ZHX2: variants seen among roughly 807,000 people sequenced by gnomAD.
ZHX2 encodes the protein zinc fingers and homeoboxes 2, also known as zinc fingers and homeoboxes protein 2.
A neutral mutation model predicts 21.9 loss-of-function variants in ZHX2; 6 were observed. That is an observed-to-expected ratio of 0.27 (90% CI 0.15 to 0.54). The LOEUF is 0.54. Among genes scored for constraint, ZHX2 ranks in the 20% least tolerant of loss-of-function variants. The pLI is 0.95. For synonymous variants in ZHX2, 434 were observed against 437.1 expected, an observed-to-expected ratio of 0.99 and a Z score of 0.09; for missense variants, 908 against 1,090.7, an observed-to-expected ratio of 0.83 and a Z score of 2.36.
intron 2 of ZHX2, among the ~76,000 whole-genome samples, chr8:122,917,198 G>A (rs558208181): frequency 1.1e-4 from 17 of 152,012 alleles, no homozygotes; most frequent in Non-Finnish European, 2.1e-4. Flanking sequence ...GCCTCCAAGC[G>A]GATCACAGTC....
At chr8:122,868,473 C>A (rs1212376343) in intron 2 of ZHX2, among the ~76,000 whole-genome samples, 1 of 151,842 alleles carries the variant, frequency 6.6e-6, no homozygotes, top group Non-Finnish European at 1.5e-5. Flanking sequence ...CATAGGGAGA[C>A]CCTGTCTCTA....
At chr8:122,808,639 A>G (rs1399360378) in intron 1 of ZHX2, 3 of 152,218 alleles carry the variant, frequency 2.0e-5, no homozygotes, top group African/African-American at 7.2e-5. Flanking sequence ...GTAAGTAATA[A>G]TAGCATATAG....
intron 1 of ZHX2, among the ~76,000 whole-genome samples, chr8:122,849,652 A>G (rs1818840260): frequency 6.6e-6 from 1 of 152,068 alleles, no homozygotes; most frequent in African/African-American, 2.4e-5. Context: ...GACACTTGCC[A>G]TTGGATTTAG....
At chr8:122,947,888 G>A (rs976292083) in intron 2 of ZHX2, among the ~76,000 whole-genome samples, 6 of 152,204 alleles carry the variant, frequency 3.9e-5, no homozygotes, top group African/African-American at 1.4e-4. Flanking sequence ...CTGGAGGCGT[G>A]AAAAGTATTT....
At chr8:122,811,582 T>C (rs1445146391) in intron 1 of ZHX2, among the ~76,000 whole-genome samples, 1 of 152,086 alleles carries the variant, frequency 6.6e-6, no homozygotes, top group Admixed American at 6.5e-5. Context: ...CGCCCTCTGA[T>C]AGGGGCAGAC....
intron 1 of ZHX2, among the ~76,000 whole-genome samples, chr8:122,849,039 G>T (rs1252249898): frequency 2.0e-5 from 3 of 152,212 alleles, no homozygotes; most frequent in African/African-American, 7.2e-5. Flanking sequence ...AGAATTCTCA[G>T]CAAAGCCCTG....
At chr8:122,962,051 G>A (rs1303726617) in intron 3 of ZHX2, among the ~76,000 whole-genome samples, 1 of 152,160 alleles carries the variant, frequency 6.6e-6, no homozygotes, top group Non-Finnish European at 1.5e-5. Context: ...ACACAGGGTA[G>A]CACTGCTGAG....
chr8:122,864,364 C>G (rs955189661), intron 2 of ZHX2, among the ~76,000 whole-genome samples: 1 of 151,966 alleles, frequency 6.6e-6, no homozygotes, highest in Admixed American at 6.6e-5. Flanking sequence ...TCATGTCTCT[C>G]CTACGTTGTT....
intron 2 of ZHX2, among the ~76,000 whole-genome samples, chr8:122,947,265 T>TA (rs61243571): frequency 0.24 from 34,359 of 141,736 alleles, 4,656 homozygotes; most frequent in South Asian, 0.37. Context: ...ACCCCATCTC[T>TA]AAAAAAAAAA....
intron 1 of ZHX2, among the ~76,000 whole-genome samples, chr8:122,826,056 C>CT (rs1818260108): frequency 6.6e-6 from 1 of 152,144 alleles, no homozygotes. Flanking sequence ...CCTTCTGCAG[C>CT]TGAAGGGAGT....
At chr8:122,895,340 G>A (rs1281110512) in intron 2 of ZHX2, among the ~76,000 whole-genome samples, 5 of 152,210 alleles carry the variant, frequency 3.3e-5, no homozygotes. Context: ...CCAAGTGGGT[G>A]TTACTGGCTT....
At chr8:122,964,791 A>C (rs1813537531) in intron 3 of ZHX2, among the ~76,000 whole-genome samples, 1 of 151,554 alleles carries the variant, frequency 6.6e-6, no homozygotes, top group East Asian at 1.9e-4. Context: ...TTTTGTTGGC[A>C]ATTTTTTTAT....
chr8:122,944,713 G>A (rs1433048893), intron 2 of ZHX2, among the ~76,000 whole-genome samples: 3 of 152,096 alleles, frequency 2.0e-5, no homozygotes, highest in East Asian at 3.9e-4. Context: ...AGTGTTTGTC[G>A]ACTGCAGGAA....
chr8:122,914,380 G>C (rs933495725), intron 2 of ZHX2, among the ~76,000 whole-genome samples: 1 of 152,212 alleles, frequency 6.6e-6, no homozygotes, highest in East Asian at 1.9e-4. Flanking sequence ...GGAGAAAGGG[G>C]CACAGTGGGC....
At chr8:122,883,341 T>C (rs1189585923) in intron 2 of ZHX2, among the ~76,000 whole-genome samples, 1 of 151,514 alleles carries the variant, frequency 6.6e-6, no homozygotes, top group African/African-American at 2.4e-5. Context: ...GAGATGGAGG[T>C]GGGCGGAAGA....
intron 2 of ZHX2, among the ~76,000 whole-genome samples, chr8:122,874,623 A>G (rs2129723453): frequency 6.6e-6 from 1 of 152,268 alleles, no homozygotes; most frequent in Non-Finnish European, 1.5e-5. Context: ...GTGAGCCACC[A>G]TGCCCGGCCA....
intron 1 of ZHX2, among the ~76,000 whole-genome samples, chr8:122,834,000 A>AAC: frequency 6.6e-6 from 1 of 151,786 alleles, no homozygotes; most frequent in Non-Finnish European, 1.5e-5. Context: ...CCGTCTCAAA[A>AAC]AAAAAAAAGA....
intron 2 of ZHX2, among the ~76,000 whole-genome samples, chr8:122,872,355 G>A (rs897016658): frequency 6.6e-6 from 1 of 152,172 alleles, no homozygotes; most frequent in African/African-American, 2.4e-5. Context: ...TCATGGACTA[G>A]ATATGAAAAC....
At chr8:122,851,143 C>G (rs139596977) in intron 1 of ZHX2, among the ~76,000 whole-genome samples, 1,929 of 152,170 alleles carry the variant, frequency 0.013, 21 homozygotes, top group Non-Finnish European at 0.018. Flanking sequence ...AGACGGGGGT[C>G]CTGGAAGGCT....
Sources: gnomAD v4.1 joint callset for allele counts (sites outside exome capture counted in the v4.1 genomes callset) on GRCh38, gnomAD v4.1.1 for gene constraint, MANE v1.5 for transcripts, NCBI Gene and HGNC (gene_info 2026-07-23, HGNC 2026-07-21) for gene names.